ACVR1: variants seen among roughly 807,000 people sequenced by gnomAD.
ACVR1 encodes activin A receptor type 1.
In ACVR1, 38 loss-of-function variants were observed where a neutral mutation model predicts 57.1. The ratio of observed to expected loss-of-function variants is 0.67; its 90% CI spans 0.51 to 0.87. The LOEUF is 0.87. Among genes scored for constraint, ACVR1 ranks in the 40% least tolerant of loss-of-function variants. The pLI, the probability that ACVR1 is intolerant of heterozygous loss-of-function variation, is 0.00. For missense variants in ACVR1, 463 were observed against 638.2 expected, an observed-to-expected ratio of 0.73 and a Z score of 2.96; for synonymous variants, 212 against 228.1, an observed-to-expected ratio of 0.93 and a Z score of 0.63.
At chr2:157,857,129 T>C (rs923544794) in intron 1 of ACVR1, among the ~76,000 whole-genome samples, 3 of 151,954 alleles carry the variant, frequency 2.0e-5, no homozygotes, top group African/African-American at 7.3e-5. Flanking sequence ...GCCCAGGAGG[T>C]TGAGGCTGCA....
intron 1 of ACVR1, among the ~76,000 whole-genome samples, chr2:157,827,870 T>C (rs1252538829): frequency 6.6e-6 from 1 of 152,150 alleles, no homozygotes; most frequent in Non-Finnish European, 1.5e-5. Flanking sequence ...CACTCACCCT[T>C]CTCTGTTATC....
chr2:157,768,183 G>A (rs1402128635), intron 7 of ACVR1, among the ~76,000 whole-genome samples: 3 of 151,922 alleles, frequency 2.0e-5, no homozygotes, highest in African/African-American at 7.3e-5. Flanking sequence ...TATTCCCATG[G>A]CCAGCCCTGA....
At chr2:157,765,832 A>G in intron 8 of ACVR1, 89 bp downstream of exon 8, 2 of 1,373,604 alleles carry the variant, frequency 1.5e-6, no homozygotes, top group Non-Finnish European at 2.0e-6. Flanking sequence ...GAAATTTTGC[A>G]TAACATGTTG....
chr2:157,760,853 C>T (rs371334077), intron 9 of ACVR1, 27 bp downstream of exon 9: 14 of 1,609,688 alleles, frequency 8.7e-6, no homozygotes, highest in Non-Finnish European at 1.2e-5. Flanking sequence ...TGGATTAAGA[C>T]AATATTATAT....
At chr2:157,817,094 G>A (rs1447883194) in intron 2 of ACVR1, among the ~76,000 whole-genome samples, 13 of 151,998 alleles carry the variant, frequency 8.6e-5, no homozygotes, top group Non-Finnish European at 1.9e-4. Context: ...CAAGTAGCTG[G>A]GAATACACGA....
chr2:157,786,499 G>A (rs971151290), intron 3 of ACVR1, among the ~76,000 whole-genome samples: 7 of 152,152 alleles, frequency 4.6e-5, no homozygotes, highest in East Asian at 1.9e-4. Context: ...TCACCAAGCC[G>A]GCATGCCTGA....
chr2:157,752,336 G>A (rs1043796004), intron 9 of ACVR1, among the ~76,000 whole-genome samples: 5 of 152,144 alleles, frequency 3.3e-5, no homozygotes, highest in African/African-American at 9.7e-5. Context: ...CCTTCCCTCT[G>A]ACATAGCCTA....
intron 2 of ACVR1, 113 bp from the exon 3 acceptor site, chr2:157,799,613 T>A: frequency 1.3e-6 from 1 of 764,216 alleles, no homozygotes; most frequent in East Asian, 2.6e-5. Flanking sequence ...CTAATCACCC[T>A]CAGATATATT....
chr2:157,826,045 T>C (rs1688336875), intron 1 of ACVR1, among the ~76,000 whole-genome samples: 1 of 152,216 alleles, frequency 6.6e-6, no homozygotes, highest in Non-Finnish European at 1.5e-5. Context: ...AGGAATGTGG[T>C]AATCCTTGGT....
chr2:157,818,938 C>T (rs989356968), intron 1 of ACVR1, among the ~76,000 whole-genome samples: 1 of 150,854 alleles, frequency 6.6e-6, no homozygotes, highest in South Asian at 2.1e-4. Flanking sequence ...ATTAGCCGGG[C>T]GTAGTGGCGG....
chr2:157,854,156 T>A (rs898412770), intron 1 of ACVR1, among the ~76,000 whole-genome samples: 2 of 148,072 alleles, frequency 1.4e-5, no homozygotes, highest in South Asian at 4.3e-4. Flanking sequence ...TTCAAAAAAT[T>A]TCAACAAATA....
chr2:157,812,456 T>C lies in ACVR1; in HGVS notation c.-8+5929A>G, dbSNP rs1402656386. 2.6e-5 allele frequency among the ~76,000 whole-genome samples: 4 copies of C among 152,274 alleles called. No individual in the cohort carries two copies. In the East Asian group the frequency reaches 7.7e-4, roughly 29 times the overall value. ...AAGGAGGCAATTACTATAGTGTATA[T>C]ACTACATAATATACTATTTCTTGGC... On this transcript the variant is annotated intron_variant, in intron 2 of 10. Transcript: ENST00000434821.
At chr2:157,800,242 T>A (rs1235566736) in intron 2 of ACVR1, among the ~76,000 whole-genome samples, 1 of 152,212 alleles carries the variant, frequency 6.6e-6, no homozygotes, top group African/African-American at 2.4e-5. Context: ...AGTTCTTTAA[T>A]GATAGGTTAG....
intron 1 of ACVR1, among the ~76,000 whole-genome samples, chr2:157,839,014 A>G (rs1283343619): frequency 6.6e-6 from 1 of 152,210 alleles, no homozygotes; most frequent in Non-Finnish European, 1.5e-5. Flanking sequence ...AATGCTCATC[A>G]CCCAGTAGAA....
At chr2:157,737,760 C>T (rs1057002713) in intron 10 of ACVR1, 95 bp from the exon 11 acceptor site, 13 of 1,510,376 alleles carry the variant, frequency 8.6e-6, no homozygotes, top group Middle Eastern at 1.7e-4. Context: ...CTGAAGAACT[C>T]GCAGGTCTTG....
At chr2:157,753,641 T>C (rs1413729515) in intron 9 of ACVR1, among the ~76,000 whole-genome samples, 2 of 152,086 alleles carry the variant, frequency 1.3e-5, no homozygotes, top group African/African-American at 4.8e-5. Context: ...AGAAATGAGA[T>C]AGAGAGCAAC....
At chr2:157,779,372 C>T (rs3768794) in intron 4 of ACVR1, among the ~76,000 whole-genome samples, 122,751 of 152,210 alleles carry the variant, frequency 0.81, 49,659 homozygotes, top group East Asian at 0.93. Flanking sequence ...ACTTGATCTC[C>T]TTTAAAACCC....
At chr2:157,860,524 G>T (rs1689683848) in intron 1 of ACVR1, among the ~76,000 whole-genome samples, 1 of 152,192 alleles carries the variant, frequency 6.6e-6, no homozygotes, top group Non-Finnish European at 1.5e-5. Context: ...TTTCTTCAAA[G>T]CCAATTTCTC....
In ACVR1 at chr2:157,820,474, G is replaced by A. The variant is rs192471852; in HGVS notation, c.-182-1915C>T. 4.3e-3 allele frequency among the ~76,000 whole-genome samples: 650 copies of A among 152,310 alleles called. 4 individuals carry two copies. The highest frequency in any genetic ancestry group is 6.9e-3 in the Non-Finnish European group (466 of 68,014). On this transcript the variant is annotated intron_variant, in intron 1 of 10. Coordinates refer to ENST00000434821, the MANE Select transcript of ACVR1 (RefSeq NM_001111067.4). ...CCTAGGGTCAACCATGTCTTTAAGT[G>A]AGAGTTACTGTACTGGTAGGAAGAG...
Sources: gnomAD v4.1 joint callset for allele counts (sites outside exome capture counted in the v4.1 genomes callset) on GRCh38, gnomAD v4.1.1 for gene constraint, MANE v1.5 for transcripts, NCBI Gene and HGNC (gene_info 2026-07-23, HGNC 2026-07-21) for gene names.